DLG2: variants seen among roughly 807,000 people sequenced by gnomAD.
The protein encoded by DLG2 is disks large homolog 2.
A neutral mutation model predicts 132.5 loss-of-function variants in DLG2; 45 were observed. The ratio of observed to expected loss-of-function variants is 0.34; its 90% CI spans 0.27 to 0.44. DLG2 has a LOEUF of 0.44. Ranked by LOEUF, DLG2 falls within the 20% of genes least tolerant of loss-of-function variation. DLG2 has a pLI of 1.00. For missense variants in DLG2, 1,045 were observed against 1,196.9 expected, an observed-to-expected ratio of 0.87 and a Z score of 1.87; for synonymous variants, 424 against 419.6, an observed-to-expected ratio of 1.01 and a Z score of -0.13.
intron 3 of DLG2, among the ~76,000 whole-genome samples, chr11:85,572,344 A>G (rs556901788): frequency 5.9e-5 from 9 of 152,180 alleles, no homozygotes; most frequent in South Asian, 4.1e-4. Context: ...AATAGTTTAC[A>G]TAAGGAGCCC....
At chr11:85,107,092 A>G (rs890900656) in intron 6 of DLG2, among the ~76,000 whole-genome samples, 42 of 152,044 alleles carry the variant, frequency 2.8e-4, no homozygotes, top group Admixed American at 8.5e-4. Flanking sequence ...TCTAATTTAT[A>G]AATGTTTATG....
At chr11:84,098,501 A>G (rs2092059836) in intron 10 of DLG2, among the ~76,000 whole-genome samples, 1 of 152,196 alleles carries the variant, frequency 6.6e-6, no homozygotes, top group South Asian at 2.1e-4. Flanking sequence ...CTAAACGCCT[A>G]GAGAAAGCCC....
intron 6 of DLG2, among the ~76,000 whole-genome samples, chr11:84,984,423 A>G (rs1174224062): frequency 6.6e-6 from 1 of 152,224 alleles, no homozygotes; most frequent in Non-Finnish European, 1.5e-5. Flanking sequence ...TTTCAGACAA[A>G]CAAATGCTGA....
chr11:83,791,685 A>G, intron 17 of DLG2: 5 of 282,428 alleles, frequency 1.8e-5, no homozygotes, highest in Non-Finnish European at 3.4e-5. Flanking sequence ...TGTAATCCGA[A>G]CACTTTGGGA....
intron 6 of DLG2, among the ~76,000 whole-genome samples, chr11:84,699,203 G>C (rs2058942536): frequency 6.6e-6 from 1 of 151,530 alleles, no homozygotes; most frequent in Non-Finnish European, 1.5e-5. Flanking sequence ...GCATAAGGAA[G>C]AGTCAAAGAA....
Position 84,895,937 on chromosome 11 carries a change from C to A in DLG2, c.357+215724G>T, listed in dbSNP as rs77927971. ...GGGCACCTACCACTTAGCAGACTTG[C>A]AGCAAATGGCTACTTTATTAATATT... is the stretch of plus-strand genomic sequence containing the variant. On this transcript the variant is annotated intron_variant, in intron 6 of 27. Coordinates refer to ENST00000376104, the MANE Select transcript of DLG2 (RefSeq NM_001142699.3). Among the ~76,000 whole-genome samples the A allele has an allele frequency of 3.4e-4, 52 of 152,178 alleles. No homozygotes were observed. The East Asian group carries it at 8.1e-3, about 24-fold the overall frequency.
chr11:85,403,314 G>A (rs1048750211), intron 3 of DLG2, among the ~76,000 whole-genome samples: 13 of 151,928 alleles, frequency 8.6e-5, no homozygotes, highest in African/African-American at 2.2e-4. Context: ...ACACAGGGTC[G>A]GGTACATCAA....
chr11:85,544,298 T>C (rs1281079503), intron 3 of DLG2, among the ~76,000 whole-genome samples: 1 of 152,144 alleles, frequency 6.6e-6, no homozygotes, highest in African/African-American at 2.4e-5. Flanking sequence ...AATCAAATGG[T>C]GGTAGATGTG....
chr11:83,762,484 T>C (rs1365818976), intron 18 of DLG2, among the ~76,000 whole-genome samples: 2 of 152,212 alleles, frequency 1.3e-5, no homozygotes, highest in Non-Finnish European at 2.9e-5. Context: ...ATTTTGTATA[T>C]AGATTTTGTC....
chr11:83,914,824 G>A (rs144909048), intron 15 of DLG2, among the ~76,000 whole-genome samples: 19 of 152,232 alleles, frequency 1.2e-4, no homozygotes, highest in Non-Finnish European at 2.6e-4. Context: ...TTTGAGGATC[G>A]ATATCCGGTA....
chr11:84,736,383 T>G (rs149558621), intron 6 of DLG2, among the ~76,000 whole-genome samples: 1 of 151,996 alleles, frequency 6.6e-6, no homozygotes, highest in African/African-American at 2.4e-5. Context: ...TTCATACAAT[T>G]TTTAGAATTA....
At chr11:84,899,463 G>A (rs953431769) in intron 6 of DLG2, among the ~76,000 whole-genome samples, 1 of 151,994 alleles carries the variant, frequency 6.6e-6, no homozygotes, top group Non-Finnish European at 1.5e-5. Flanking sequence ...AATTACTGGG[G>A]CCCAAGGGAC....
chr11:83,593,814 C>G (rs943371614), intron 19 of DLG2, among the ~76,000 whole-genome samples: 1 of 150,222 alleles, frequency 6.7e-6, no homozygotes. Flanking sequence ...TTATAATATT[C>G]TCCAAGTCAC....
intron 3 of DLG2, among the ~76,000 whole-genome samples, chr11:85,358,932 A>C (rs999715985): frequency 2.2e-4 from 33 of 152,092 alleles, no homozygotes; most frequent in African/African-American, 7.5e-4. Context: ...ATCTTACCTA[A>C]GTTTTTTTCT....
At chr11:85,050,824 C>T (rs1289875825) in intron 6 of DLG2, among the ~76,000 whole-genome samples, 1 of 152,126 alleles carries the variant, frequency 6.6e-6, no homozygotes, top group Non-Finnish European at 1.5e-5. Flanking sequence ...ATAAAACCTA[C>T]TCATGCTTTT....
At chr11:84,796,692 CTGCAGCACTTTAAATA>C (rs71036443) in intron 6 of DLG2, among the ~76,000 whole-genome samples, 50,719 of 151,812 alleles carry the variant, frequency 0.33, 10,714 homozygotes, top group Non-Finnish European at 0.48. Context: ...TTTTTTCCCC[CTGCAGCACTTTAAATA>C]TGTCATGCCA....
At chr11:84,262,159 C>G (rs1366064312) in intron 7 of DLG2, among the ~76,000 whole-genome samples, 1 of 152,164 alleles carries the variant, frequency 6.6e-6, no homozygotes, top group Non-Finnish European at 1.5e-5. Flanking sequence ...TGTAACACAA[C>G]TTACCCAAGA....
At chr11:85,434,685 G>T (rs1168064550) in intron 3 of DLG2, among the ~76,000 whole-genome samples, 1 of 152,016 alleles carries the variant, frequency 6.6e-6, no homozygotes, top group Non-Finnish European at 1.5e-5. Context: ...GTAATAAATA[G>T]CCTACCAACC....
intron 6 of DLG2, among the ~76,000 whole-genome samples, chr11:84,707,046 C>A (rs1020831062): frequency 1.3e-5 from 2 of 151,710 alleles, no homozygotes; most frequent in Non-Finnish European, 2.9e-5. Context: ...TCAGATTATC[C>A]TTTCTGGTCA....
Sources: allele counts gnomAD v4.1 joint callset (sites outside exome capture counted in the v4.1 genomes callset), GRCh38; gene constraint gnomAD v4.1.1; transcripts MANE v1.5; gene names NCBI Gene and HGNC (gene_info 2026-07-23, HGNC 2026-07-21).